CCDC7: variants seen among roughly 807,000 people sequenced by gnomAD.
CCDC7 encodes the protein coiled-coil domain-containing protein 7.
A neutral mutation model predicts 196.9 loss-of-function variants in CCDC7; 183 were observed. That is an observed-to-expected ratio of 0.93 (90% CI 0.82 to 1.05). The LOEUF (loss-of-function observed/expected upper bound fraction) is 1.05. Ranked by LOEUF, CCDC7 falls within the 50% of genes least tolerant of loss-of-function variation. The probability of loss-of-function intolerance (pLI) is 0.00; values close to 1 mark genes in which losing one functional copy is unlikely to be tolerated. For synonymous variants in CCDC7, 525 were observed against 484.6 expected (o/e 1.08, Z -1.10); for missense variants, 1,540 against 1,482.2 (o/e 1.04, Z -0.64).
At chr10:32,566,189 C>A (rs572208613) in intron 14 of CCDC7, among the ~76,000 whole-genome samples, 9 of 152,242 alleles carry the variant, frequency 5.9e-5, no homozygotes, top group South Asian at 4.2e-4. Flanking sequence ...AAATGAGCAA[C>A]CTTTCACGTA....
intron 18 of CCDC7, among the ~76,000 whole-genome samples, chr10:32,585,736 G>T (rs1039645448): frequency 6.6e-6 from 1 of 152,108 alleles, no homozygotes; most frequent in Admixed American, 6.5e-5. Context: ...AGTATTCCAC[G>T]GTGTATATGT....
chr10:32,811,016 C>A (rs2086970478), intron 30 of CCDC7, among the ~76,000 whole-genome samples: 1 of 151,726 alleles, frequency 6.6e-6, no homozygotes, highest in African/African-American at 2.4e-5. Flanking sequence ...ATAACAAAAG[C>A]AATGCTAAAA....
intron 18 of CCDC7, among the ~76,000 whole-genome samples, chr10:32,594,941 A>AT (rs1264870453): frequency 6.6e-6 from 1 of 152,186 alleles, no homozygotes; most frequent in Non-Finnish European, 1.5e-5. Context: ...GTGCTGCTGA[A>AT]TTGGTTTGCC....
exon 25 of CCDC7, chr10:32,711,698 T>C (rs2080864467): frequency 6.3e-7 from 1 of 1,587,510 alleles, no homozygotes; most frequent in Non-Finnish European, 8.6e-7. Flanking sequence ...CAATTAGAGA[T>C]TCAAGAAACT....
intron 30 of CCDC7, among the ~76,000 whole-genome samples, chr10:32,806,610 A>G (rs1243623942): frequency 6.6e-6 from 1 of 152,216 alleles, no homozygotes; most frequent in Non-Finnish European, 1.5e-5. Flanking sequence ...TGGAAGTAAA[A>G]ATTTACTAGA....
chr10:32,507,361 T>G (rs1283427438), intron 9 of CCDC7, among the ~76,000 whole-genome samples: 1 of 152,122 alleles, frequency 6.6e-6, no homozygotes, highest in East Asian at 1.9e-4. Context: ...AAAAAATCCA[T>G]TCAGCCACTT....
chr10:32,555,868 C>G (rs11008975), intron 13 of CCDC7, among the ~76,000 whole-genome samples: 52,461 of 152,104 alleles, frequency 0.34, 11,469 homozygotes, highest in Non-Finnish European at 0.5. Context: ...AAGTTTTATT[C>G]CTATGTCTGA....
chr10:32,702,180 C>A (rs994940988), intron 24 of CCDC7, among the ~76,000 whole-genome samples: 1 of 152,254 alleles, frequency 6.6e-6, no homozygotes, highest in East Asian at 1.9e-4. Flanking sequence ...TCCCTCTACA[C>A]ACTGCTTTGA....
At chr10:32,512,568 G>A (rs2046384339) in intron 9 of CCDC7, 2 of 152,116 alleles carry the variant, frequency 1.3e-5, no homozygotes, top group Non-Finnish European at 2.9e-5. Context: ...ATTTAAAAAA[G>A]TAACATTGAT....
At chr10:32,704,995 C>T (rs556963390) in intron 24 of CCDC7, among the ~76,000 whole-genome samples, 14 of 152,226 alleles carry the variant, frequency 9.2e-5, no homozygotes, top group South Asian at 4.1e-4. Context: ...CTTCGGGTCC[C>T]GCTCAGTGCG....
intron 11 of CCDC7, among the ~76,000 whole-genome samples, chr10:32,540,984 T>C (rs1350983184): frequency 6.6e-6 from 1 of 152,166 alleles, no homozygotes; most frequent in African/African-American, 2.4e-5. Flanking sequence ...TGCTTGCTTT[T>C]TCCCCGCCTC....
chr10:32,704,481 G>T (rs961534017), intron 24 of CCDC7, among the ~76,000 whole-genome samples: 7 of 152,154 alleles, frequency 4.6e-5, no homozygotes, highest in Non-Finnish European at 7.4e-5. Context: ...GAGGCAGTCA[G>T]TCCATTCTCA....
chr10:32,861,029 T>G (rs746631232), intron 41 of CCDC7, among the ~76,000 whole-genome samples: 2 of 150,730 alleles, frequency 1.3e-5, no homozygotes, highest in African/African-American at 4.9e-5. Context: ...CAAGCTACCA[T>G]TGACTTTCTT....
At chr10:32,767,046 C>T (rs1296223764) in intron 28 of CCDC7, among the ~76,000 whole-genome samples, 1 of 152,064 alleles carries the variant, frequency 6.6e-6, no homozygotes, top group Non-Finnish European at 1.5e-5. Context: ...AGGCTCTTTT[C>T]AACAACCAGA....
At position 32,462,537 on chromosome 10, in the gene CCDC7, AG is replaced by A; in HGVS notation, c.457-145del. ...CACTGTCTGTAAATAAAAAATTTTA[AG>A]TTTCAACTACAGATTTATAAAGTTA... On this transcript the variant is annotated intron_variant, in intron 3 of 41. Coordinates refer to ENST00000639629, the Ensembl canonical transcript of CCDC7. The A allele has an allele frequency of 5.3e-6, 3 of 565,088 alleles. No individual in the cohort carries two copies. The East Asian group carries it at 1.2e-4, about 23-fold the overall frequency. 35.0% of individuals were successfully genotyped at this position (565,088 alleles called of 1,614,324 possible).
chr10:32,755,784 G>A (rs1218251886), intron 28 of CCDC7, among the ~76,000 whole-genome samples: 1 of 152,116 alleles, frequency 6.6e-6, no homozygotes, highest in Non-Finnish European at 1.5e-5. Context: ...GAAGGCTTCA[G>A]ACGATCAGTA....
At chr10:32,570,125 G>T (rs1352753694) in intron 15 of CCDC7, among the ~76,000 whole-genome samples, 1 of 152,046 alleles carries the variant, frequency 6.6e-6, no homozygotes, top group Admixed American at 6.6e-5. Context: ...CAAACATCTA[G>T]AATTCACCAT....
At chr10:32,444,928 A>G (rs1233920631), upstream of CCDC7, among the ~76,000 whole-genome samples, 2 of 150,210 alleles carry the variant, frequency 1.3e-5, no homozygotes, top group South Asian at 2.1e-4. Context: ...ATCTCGGCTC[A>G]CTGCAACCTC....
intron 11 of CCDC7, among the ~76,000 whole-genome samples, chr10:32,525,220 T>C (rs59355507): frequency 0.053 from 8,057 of 151,762 alleles, 714 homozygotes; most frequent in African/African-American, 0.18. Flanking sequence ...GTTGTGCACA[T>C]GTACCCTAGA....
Sources: allele counts gnomAD v4.1 joint callset (sites outside exome capture counted in the v4.1 genomes callset), GRCh38; gene constraint gnomAD v4.1.1; transcripts MANE v1.5; gene names NCBI Gene and HGNC (gene_info 2026-07-23, HGNC 2026-07-21).